Variants in PLCB3 observed in about 807,000 individuals in gnomAD.
PLCB3 encodes the protein 1-phosphatidylinositol 4,5-bisphosphate phosphodiesterase beta-3.
In PLCB3, 54 loss-of-function variants were observed where a neutral mutation model predicts 152.1. That is an observed-to-expected ratio of 0.36 (90% CI 0.29 to 0.45). The LOEUF is 0.45. Ranked by LOEUF, PLCB3 falls within the 20% of genes least tolerant of loss-of-function variation. The probability of loss-of-function intolerance (pLI) is 1.00; values close to 1 mark genes in which losing one functional copy is unlikely to be tolerated. For missense variants in PLCB3, 1,248 were observed against 1,687.5 expected, an observed-to-expected ratio of 0.74 and a Z score of 4.56; for synonymous variants, 717 against 698.7, an observed-to-expected ratio of 1.03 and a Z score of -0.41.
Position 64,255,150 on chromosome 11 carries a change from C to T in PLCB3, c.388-84C>T, listed in dbSNP as rs531304134. On this transcript the variant is annotated intron_variant, in intron 4 of 30. Transcript: ENST00000279230. The surrounding 1 kb of genome is among the most constrained non-coding windows in gnomAD (Gnocchi z 6.8). ...GGCTGCTCTGTGACCTACTGTGTACCAGAGGCAGTTGTGGACCTGGGTTGT... is the reference window on the plus strand; with the variant it reads ...GGCTGCTCTGTGACCTACTGTGTACTAGAGGCAGTTGTGGACCTGGGTTGT... The T allele has an allele frequency of 1.4e-5, 21 of 1,526,902 alleles. No homozygotes were observed. In the East Asian group the frequency reaches 4.1e-4, roughly 30 times the overall value. 94.6% of individuals were successfully genotyped at this position (1,526,902 alleles called of 1,614,324 possible).
Position 64,254,792 on chromosome 11 carries a change from A to G in PLCB3, c.222A>G (p.Thr74=). The G allele has an allele frequency of 1.2e-6, 2 of 1,613,656 alleles. No individual in the cohort carries two copies. The highest frequency in any genetic ancestry group is 1.7e-6 in the Non-Finnish European group (2 of 1,179,994). ...TCAGTTCCATCAGGGACACACGGAC[A>G]GGCCGGTACGCCCGCCTGCCCAAGG... ...LDISSIRDTR[T]GRYARLPKDP... is the part of the protein sequence containing the mutation. Residue 74 remains threonine, a synonymous_variant, in exon 3 of 31, where the codon ACA becomes ACG. Coordinates refer to ENST00000279230, the MANE Select transcript of PLCB3 (RefSeq NM_000932.5).
Position 64,267,823 on chromosome 11 carries a change from G to A in PLCB3, c.*267G>A. On this transcript the variant is annotated 3_prime_UTR_variant, in exon 31 of 31. Transcript: ENST00000279230. This position sits in a 1 kb window ranked among gnomAD's most constrained non-coding sequence, Gnocchi z 5.2. Reference sequence around the variant, plus strand: ...TAGCAGCGTCTCCTCCCTTCCCCGGGAGAGCTGGCTGGAGACTTGGAGCTC... The same window carrying A: ...TAGCAGCGTCTCCTCCCTTCCCCGGAAGAGCTGGCTGGAGACTTGGAGCTC... 1 of 436,658 alleles carries A rather than the reference G, an allele frequency of 2.3e-6. No homozygotes were observed. Among genetic ancestry groups the A allele is most frequent in the Non-Finnish European group, 4.1e-6 (1 of 246,460 alleles). The allele number at this position is 436,658 out of a possible 1,614,324, so 27.0% of individuals were successfully genotyped here. A position where few individuals can be genotyped will look rare whatever the true frequency, so the allele number is the denominator to read the frequency against.
intron 18 of PLCB3, 25 bp downstream of exon 18, chr11:64,262,586 C>T: frequency 6.2e-7 from 1 of 1,612,752 alleles, no homozygotes; most frequent in Non-Finnish European, 8.5e-7. Context: ...CGGCTCAGGC[C>T]AGGGGTGTCC....
At chr11:64,254,014 T>C (rs1485380618) in intron 1 of PLCB3, among the ~76,000 whole-genome samples, 1 of 152,052 alleles carries the variant, frequency 6.6e-6, no homozygotes, top group African/African-American at 2.4e-5. Flanking sequence ...GCTGCCACTG[T>C]CACAGAGCTC....
At chr11:64,259,715 A>C (rs149186897) in intron 13 of PLCB3, among the ~76,000 whole-genome samples, 3 of 151,636 alleles carry the variant, frequency 2.0e-5, no homozygotes, top group Non-Finnish European at 2.9e-5. Flanking sequence ...TAACCTCTCT[A>C]TGTCATCCCT....
Position 64,267,716 on chromosome 11 carries a change from T to A in PLCB3, c.*160T>A, listed in dbSNP as rs2032199816. On this transcript the variant is annotated 3_prime_UTR_variant, in exon 31 of 31. Coordinates refer to ENST00000279230, the MANE Select transcript of PLCB3 (RefSeq NM_000932.5). The surrounding 1 kb of genome is among the most constrained non-coding windows in gnomAD (Gnocchi z 5.2). Reference sequence around the variant, plus strand: ...CCTCAGCTAACTCCCTTCATCCTCCTGGGGCCCCTCCTTCCTGCCCTCAGT... The same window carrying A: ...CCTCAGCTAACTCCCTTCATCCTCCAGGGGCCCCTCCTTCCTGCCCTCAGT... The A allele has an allele frequency of 1.6e-6, 1 of 635,380 alleles. No individual in the cohort carries two copies. The highest frequency in any genetic ancestry group is 2.1e-5 in the South Asian group (1 of 48,342). The allele number at this position is 635,380 out of a possible 1,614,324, so 39.4% of individuals were successfully genotyped here. A position where few individuals can be genotyped will look rare whatever the true frequency, so the allele number is the denominator to read the frequency against.
Position 64,267,894 on chromosome 11 carries a change from T to C in PLCB3, c.*338T>C, listed in dbSNP as rs1183607923. 7 of 294,516 alleles carry C rather than the reference T, an allele frequency of 2.4e-5. No individual in the cohort carries two copies. Among genetic ancestry groups the C allele is most frequent in the Non-Finnish European group, 4.4e-5 (7 of 157,966 alleles). The allele number at this position is 294,516 out of a possible 1,614,324, so 18.2% of individuals were successfully genotyped here. On this transcript the variant is annotated 3_prime_UTR_variant, in exon 31 of 31. Coordinates refer to ENST00000279230, the MANE Select transcript of PLCB3 (RefSeq NM_000932.5). The surrounding 1 kb of genome is among the most constrained non-coding windows in gnomAD (Gnocchi z 5.2). ...TTTTTCTCTATTCTTTGGGGATTTTTTTTACATGAATAAAAGTGGATTTCA... is the reference window on the plus strand; with the variant it reads ...TTTTTCTCTATTCTTTGGGGATTTTCTTTACATGAATAAAAGTGGATTTCA...
rs748140537 is a variant in PLCB3, at chr11:64,258,857, T to TCTCTGAC, written c.1254-17_1254-11dup. On this transcript the variant is annotated intron_variant, in intron 11 of 30. Coordinates refer to ENST00000279230, the MANE Select transcript of PLCB3 (RefSeq NM_000932.5). The surrounding 1 kb of genome is among the most constrained non-coding windows in gnomAD (Gnocchi z 7.2). Reference sequence around the variant, plus strand: ...CTCAGCTTCCTCTCTGGGGGAGGGATCTCTGACCTCTGACCTCGGTTCCGC... The same window carrying TCTCTGAC: ...CTCAGCTTCCTCTCTGGGGGAGGGATCTCTGACCTCTGACCTCTGACCTCGGTTCCGC... 9.9e-6 allele frequency: 16 copies of TCTCTGAC among 1,612,842 alleles called. No homozygotes were observed. In the East Asian group the frequency reaches 3.3e-4, roughly 34 times the overall value.
chr11:64,266,003 C>A lies in PLCB3; in HGVS notation c.3153C>A (p.Asp1051Glu), dbSNP rs138022371. ...SLLELREAQV[D>E]AEAQRRLEHL... is the part of the protein sequence containing the mutation. ...TGGAGCTGCGGGAGGCCCAGGTGGA[C>A]GCAGAGGCCCAGCGGAGGCTGGAAC... is the stretch of plus-strand genomic sequence containing the variant. Residue 1051 changes from aspartate (D) to glutamate (E), a missense_variant, in exon 26 of 31, where the codon GAC becomes GAA. Asp to Glu is a conservative substitution (Grantham distance 45). Around this residue, in one of 6 missense-constraint regions of PLCB3, gnomAD observed 477 missense variants for 489.6 expected, o/e 0.97. Transcript: ENST00000279230. The surrounding 1 kb of genome is among the most constrained non-coding windows in gnomAD (Gnocchi z 4.9). The A allele has an allele frequency of 6.2e-7, 1 of 1,613,920 alleles. No individual in the cohort carries two copies.
At chr11:64,264,735 T>C (rs1485494242) in intron 22 of PLCB3, among the ~76,000 whole-genome samples, 2 of 152,100 alleles carry the variant, frequency 1.3e-5, no homozygotes, top group African/African-American at 4.8e-5. Flanking sequence ...GCTGGCATTA[T>C]GTTATCTTCC....
In PLCB3 at chr11:64,255,676, G is replaced by A; in HGVS notation, c.598-45G>A. ...TCACGGTGGGCACCCACCCTTACGGGGCTGCCCGCCCCTGGCTTCTCACCC... is the reference window on the plus strand; with the variant it reads ...TCACGGTGGGCACCCACCCTTACGGAGCTGCCCGCCCCTGGCTTCTCACCC... On this transcript the variant is annotated intron_variant, in intron 7 of 30. Transcript: ENST00000279230. The surrounding 1 kb of genome is among the most constrained non-coding windows in gnomAD (Gnocchi z 6.8). 1 of 1,609,668 alleles carries A rather than the reference G, an allele frequency of 6.2e-7. No homozygotes were observed. The highest frequency in any genetic ancestry group is 1.1e-5 in the South Asian group (1 of 91,030).
Position 64,265,353 on chromosome 11 carries a change from T to G in PLCB3, c.2886T>G (p.Ala962=). The G allele has an allele frequency of 6.7e-7, 1 of 1,495,444 alleles. No homozygotes were observed. Among genetic ancestry groups the G allele is most frequent in the Non-Finnish European group, 9.0e-7 (1 of 1,110,990 alleles). 92.6% of individuals were successfully genotyped at this position (1,495,444 alleles called of 1,614,324 possible). The change falls in exon 25 of 31, where the codon GCT becomes GCG. Residue 962 remains alanine (A), a synonymous_variant. Transcript: ENST00000279230. The part of the protein sequence containing the change: ...TPLDELRGHK[A]LVKLRSRQER... ...TGGATGAGCTCCGAGGTCACAAGGC[T>G]CTGGTCAAGCTCCGGAGCCGGCAAG...
At chr11:64,256,927 A>G (rs923384728) in intron 10 of PLCB3, among the ~76,000 whole-genome samples, 163 bp downstream of exon 10, 1 of 149,024 alleles carries the variant, frequency 6.7e-6, no homozygotes, top group African/African-American at 2.5e-5. Flanking sequence ...GTGGGGCCTC[A>G]TGGTGGCTTT....
At position 64,259,159 on chromosome 11, in the gene PLCB3, C is replaced by A; in HGVS notation, c.1440C>A (p.Ser480Arg). The A allele has an allele frequency of 6.2e-7, 1 of 1,607,610 alleles. No individual in the cohort carries two copies. The highest frequency in any genetic ancestry group is 1.1e-5 in the South Asian group (1 of 90,134). Residue 480 changes from serine to arginine, a missense_variant, in exon 13 of 31, where the codon AGC becomes AGA. Physicochemically the swap from Ser to Arg is moderately radical, Grantham distance 110 (BLOSUM62 -1). Transcript: ENST00000279230. ...RHRPSAGGPD[S>R]AGRKRPLEQS... ...GACCCAGCGCAGGTGGCCCAGACAG[C>A]GCCGGGCGCAAGCGGCCCCTGGAGC... is the stretch of plus-strand genomic sequence containing the variant.
intron 13 of PLCB3, 102 bp downstream of exon 13, chr11:64,259,346 G>A: frequency 1.0e-6 from 1 of 991,752 alleles, no homozygotes; most frequent in Non-Finnish European, 1.4e-6. Context: ...CCACCCTCCT[G>A]CCTCGCTGTG....
At chr11:64,259,877 A>G in intron 13 of PLCB3, 152 bp from the exon 14 acceptor site, 4 of 660,542 alleles carry the variant, frequency 6.1e-6, no homozygotes, top group Non-Finnish European at 1.0e-5. Context: ...TCTGACCTCG[A>G]CCTCTTGGCC....
intron 19 of PLCB3, among the ~76,000 whole-genome samples, chr11:64,263,040 C>T (rs1240181902): frequency 4.6e-5 from 7 of 152,312 alleles, no homozygotes; most frequent in Non-Finnish European, 7.4e-5. Context: ...GTCAGCTAGA[C>T]GTCTTGTGTC....
Position 64,266,183 on chromosome 11 carries a change from C to G in PLCB3, c.3247C>G (p.Leu1083Val). The change falls in exon 27 of 31, where the codon CTG (leucine) becomes GTG (valine). Residue 1083 changes from leucine (L) to valine (V), a missense_variant. By Grantham distance (32) the Leu-to-Val change is conservative. Around this residue, in one of 6 missense-constraint regions of PLCB3, gnomAD observed 477 missense variants for 489.6 expected, o/e 0.97. Transcript: ENST00000279230. The surrounding 1 kb of genome is among the most constrained non-coding windows in gnomAD (Gnocchi z 4.9). ...LDANTTQFKR[L>V]KEMNEREKKE... Reference sequence around the variant, plus strand: ...TGCAAACACAACTCAGTTCAAGAGGCTGAAAGAGATGAACGAGAGGTGAAA... The same window carrying G: ...TGCAAACACAACTCAGTTCAAGAGGGTGAAAGAGATGAACGAGAGGTGAAA... 6.2e-7 allele frequency: 1 copy of G among 1,614,058 alleles called. No individual in the cohort carries two copies. Among genetic ancestry groups the G allele is most frequent in the Non-Finnish European group, 8.5e-7 (1 of 1,180,004 alleles).
chr11:64,253,448 G>T (rs2031344408), intron 1 of PLCB3, among the ~76,000 whole-genome samples: 1 of 152,214 alleles, frequency 6.6e-6, no homozygotes, highest in South Asian at 2.1e-4. Flanking sequence ...CGCAGTAGGG[G>T]CGGTGTGCGT....
Sources: allele counts gnomAD v4.1 joint callset (sites outside exome capture counted in the v4.1 genomes callset), GRCh38; gene constraint gnomAD v4.1.1; regional missense constraint gnomAD v4.1.1; non-coding constraint Gnocchi (gnomAD v3.1); transcripts MANE v1.5; gene names NCBI Gene and HGNC (gene_info 2026-07-23, HGNC 2026-07-21).